Variants in ATF6 observed in about 807,000 individuals in gnomAD.
ATF6 encodes activating transcription factor 6.
A neutral mutation model predicts 83.6 loss-of-function variants in ATF6; 53 were observed. The ratio of observed to expected loss-of-function variants is 0.63; its 90% CI spans 0.51 to 0.80. The LOEUF is 0.80. ATF6 is among the 30% of genes least tolerant of loss of function. ATF6 has a pLI of 0.00. For synonymous variants in ATF6, 288 were observed against 285.8 expected, an observed-to-expected ratio of 1.01 and a Z score of -0.08; for missense variants, 744 against 797.9, an observed-to-expected ratio of 0.93 and a Z score of 0.81.
rs537148747 is a variant in ATF6, at chr1:161,952,729, G to A, written c.1805-5717G>A. On this transcript the variant is annotated intron_variant, in intron 15 of 15. Coordinates refer to ENST00000367942, the MANE Select transcript of ATF6 (RefSeq NM_007348.4). Reference sequence around the variant, plus strand: ...TTAGGAGACAGTGAACAAGTCAGACGCTTGCACTGATCTGTACTGTCACTG... The same window carrying A: ...TTAGGAGACAGTGAACAAGTCAGACACTTGCACTGATCTGTACTGTCACTG... Among the ~76,000 whole-genome samples, 3 of 152,212 alleles carry A rather than the reference G, an allele frequency of 2.0e-5. No individual in the cohort carries two copies. The East Asian group carries it at 5.8e-4, about 29-fold the overall frequency.
In ATF6 at chr1:161,791,460, G is replaced by C. The variant is rs542241742; in HGVS notation, c.407G>C (p.Gly136Ala). The C allele has an allele frequency of 2.5e-6, 4 of 1,612,490 alleles. No homozygotes were observed. The East Asian group carries it at 6.7e-5, about 27-fold the overall frequency. Residue 136 changes from glycine (G) to alanine (A), a missense_variant, in exon 5 of 16, where the codon GGT (glycine) becomes GCT (alanine). By Grantham distance (60) the Gly-to-Ala change is moderately conservative. Transcript: ENST00000367942. ...CAGATGTCTCCCCTTTCCTTATATG[G>C]TGAAAACTCTAATAGTCTCTCTTCA... is the stretch of plus-strand genomic sequence containing the variant. ...SSQMSPLSLY[G>A]ENSNSLSSAE...
At chr1:161,942,013 A>G (rs972480762) in intron 15 of ATF6, among the ~76,000 whole-genome samples, 1 of 151,618 alleles carries the variant, frequency 6.6e-6, no homozygotes, top group Non-Finnish European at 1.5e-5. Flanking sequence ...TTTTTGCACT[A>G]AGTCATAGAA....
At chr1:161,804,782 T>C (rs16847590) in intron 7 of ATF6, among the ~76,000 whole-genome samples, 17,982 of 151,902 alleles carry the variant, frequency 0.12, 1,609 homozygotes, top group East Asian at 0.31. Flanking sequence ...TCTAAACATA[T>C]TCCAATTAAT....
chr1:161,767,722 GCTT>G (rs1432521648), intron 1 of ATF6, among the ~76,000 whole-genome samples: 3 of 152,168 alleles, frequency 2.0e-5, no homozygotes, highest in Non-Finnish European at 4.4e-5. Flanking sequence ...ATTCTATAAT[GCTT>G]TCCTAACTCA....
intron 11 of ATF6, 34 bp downstream of exon 11, chr1:161,851,869 G>A (rs375908878): frequency 5.9e-6 from 9 of 1,526,504 alleles, no homozygotes; most frequent in Non-Finnish European, 8.2e-6. Context: ...AAACATCTGA[G>A]TTGGTTCCCA....
intron 7 of ATF6, among the ~76,000 whole-genome samples, chr1:161,805,085 C>T (rs753904072): frequency 2.6e-5 from 4 of 152,160 alleles, no homozygotes; most frequent in Non-Finnish European, 5.9e-5. Flanking sequence ...AGTTCTTCAA[C>T]GTTAATTGAG....
Position 161,792,169 on chromosome 1 carries a change from C to T in ATF6, c.530C>T (p.Pro177Leu). The change falls in exon 6 of 16, where the codon CCT (proline) becomes CTT (leucine). Residue 177 changes from proline (P) to leucine (L), a missense_variant. Coordinates refer to ENST00000367942, the MANE Select transcript of ATF6 (RefSeq NM_007348.4). The part of the protein sequence containing the change: ...PKKKIQVNSK[P>L]SIQPKPLLLP... ...AAAAAAATTCAGGTGAATTCAAAAC[C>T]TTCAATTCAGCCCAAGCCTTTATTG... The T allele has an allele frequency of 1.2e-6, 2 of 1,614,040 alleles. No individual in the cohort carries two copies. Among genetic ancestry groups the T allele is most frequent in the African/African-American group, 1.3e-5 (1 of 75,024 alleles).
intron 9 of ATF6, among the ~76,000 whole-genome samples, chr1:161,842,565 A>G (rs1194683169): frequency 6.6e-6 from 1 of 152,222 alleles, no homozygotes; most frequent in Non-Finnish European, 1.5e-5. Context: ...CATTCGCAGC[A>G]ACCTGGATGG....
At chr1:161,889,006 C>T (rs1384317799) in intron 14 of ATF6, among the ~76,000 whole-genome samples, 1 of 152,180 alleles carries the variant, frequency 6.6e-6, no homozygotes, top group Non-Finnish European at 1.5e-5. Flanking sequence ...ATGTACCACC[C>T]ATATATAATT....
intron 7 of ATF6, among the ~76,000 whole-genome samples, chr1:161,805,795 AG>A (rs1231311900): frequency 6.8e-6 from 1 of 147,332 alleles, no homozygotes; most frequent in Admixed American, 7.0e-5. Flanking sequence ...GTATGGTGAA[AG>A]AATTGTAATC....
At chr1:161,817,221 A>G (rs1685633614) in intron 7 of ATF6, among the ~76,000 whole-genome samples, 1 of 152,230 alleles carries the variant, frequency 6.6e-6, no homozygotes, top group Non-Finnish European at 1.5e-5. Context: ...ATGGTATGCC[A>G]TCTGTAAGCC....
At chr1:161,917,624 G>C (rs1688127393) in intron 15 of ATF6, among the ~76,000 whole-genome samples, 1 of 152,080 alleles carries the variant, frequency 6.6e-6, no homozygotes, top group Non-Finnish European at 1.5e-5. Flanking sequence ...GTTTCACCGT[G>C]TTAGCCAGGA....
chr1:161,945,913 G>A (rs1688738689), intron 15 of ATF6, among the ~76,000 whole-genome samples: 1 of 152,148 alleles, frequency 6.6e-6, no homozygotes, highest in Non-Finnish European at 1.5e-5. Flanking sequence ...CACCTGCTTT[G>A]ATGAGCACAT....
At chr1:161,924,137 G>A (rs575270160) in intron 15 of ATF6, among the ~76,000 whole-genome samples, 17 of 152,298 alleles carry the variant, frequency 1.1e-4, no homozygotes, top group African/African-American at 4.1e-4. Flanking sequence ...TGCTTAGTAA[G>A]CACAGGTTCG....
rs867211333 is a variant in ATF6 at position 161,890,662 on chromosome 1, A to G, written c.1720-21634A>G. Among the ~76,000 whole-genome samples the G allele has an allele frequency of 3.3e-5, 5 of 152,302 alleles. No individual in the cohort carries two copies. In the South Asian group the frequency reaches 8.3e-4, roughly 25 times the overall value. On this transcript the variant is annotated intron_variant, in intron 14 of 15. Transcript: ENST00000367942. Reference sequence around the variant, plus strand: ...GTTCTCTGCTAACATGTGGTCCTCGATGCTCTAGCGGATTGGCCCCAAACC... The same window carrying G: ...GTTCTCTGCTAACATGTGGTCCTCGGTGCTCTAGCGGATTGGCCCCAAACC...
In ATF6 at chr1:161,963,868, GA is replaced by G. The variant is rs1399002055; in HGVS notation, c.*5215del. The G allele has an allele frequency of 1.3e-5, 2 of 152,156 alleles. No homozygotes were observed. Among genetic ancestry groups the G allele is most frequent in the African/African-American group, 4.8e-5 (2 of 41,412 alleles). 9.4% of individuals were successfully genotyped at this position (152,156 alleles called of 1,614,324 possible). On this transcript the variant is annotated 3_prime_UTR_variant, in exon 16 of 16. Transcript: ENST00000367942. ...AGTGTTAGAGATGCCATTTCACCAGGATCTTTTTGCTCAGGTTGTACCCATG... is the reference window on the plus strand; with the variant it reads ...AGTGTTAGAGATGCCATTTCACCAGGTCTTTTTGCTCAGGTTGTACCCATG...
intron 14 of ATF6, among the ~76,000 whole-genome samples, chr1:161,887,316 C>T (rs1687446484): frequency 6.6e-6 from 1 of 151,886 alleles, no homozygotes; most frequent in Non-Finnish European, 1.5e-5. Flanking sequence ...CTGACCTCAA[C>T]TGATCCGCCT....
chr1:161,892,303 G>A (rs1381624358), intron 14 of ATF6: 1 of 152,142 alleles, frequency 6.6e-6, no homozygotes, highest in Non-Finnish European at 1.5e-5. Flanking sequence ...CAACTCTGAT[G>A]GGTAAGAAAA....
At chr1:161,855,064 A>G (rs929240888) in intron 12 of ATF6, among the ~76,000 whole-genome samples, 4 of 152,078 alleles carry the variant, frequency 2.6e-5, no homozygotes, top group Admixed American at 1.3e-4. Context: ...GGCTTTGATG[A>G]GAACTTTGGG....
Sources: allele counts gnomAD v4.1 joint callset (sites outside exome capture counted in the v4.1 genomes callset), GRCh38; gene constraint gnomAD v4.1.1; transcripts MANE v1.5; gene names NCBI Gene and HGNC (gene_info 2026-07-23, HGNC 2026-07-21).